Variants in SGO2 observed in about 807,000 individuals in gnomAD.
SGO2 encodes the protein shugoshin 2.
Under a neutral mutation model 99.5 loss-of-function variants are expected in SGO2, and 68 were observed. The ratio of observed to expected loss-of-function variants is 0.68; its 90% CI spans 0.56 to 0.84. SGO2 has a LOEUF of 0.84. Ranked by LOEUF, SGO2 falls within the 40% of genes least tolerant of loss-of-function variation. The pLI, the probability that SGO2 is intolerant of heterozygous loss-of-function variation, is 0.00. For missense variants in SGO2, 1,350 were observed against 1,436.7 expected, an observed-to-expected ratio of 0.94 and a Z score of 0.97; for synonymous variants, 457 against 487.1, an observed-to-expected ratio of 0.94 and a Z score of 0.81.
At chr2:200,557,109 C>T (rs1055785110) in intron 5 of SGO2, among the ~76,000 whole-genome samples, 1 of 152,188 alleles carries the variant, frequency 6.6e-6, no homozygotes, top group Non-Finnish European at 1.5e-5. Flanking sequence ...CATCTGCAAA[C>T]AGTGGAAGGC....
chr2:200,571,658 G>C lies in SGO2; in HGVS notation c.1312G>C (p.Val438Leu). Reference sequence around the variant, plus strand: ...TGAAAACAGGACAGAAAGATCTGATGTCCTGGATGGCAAAAGGGGTGCAGA... The same window carrying C: ...TGAAAACAGGACAGAAAGATCTGATCTCCTGGATGGCAAAAGGGGTGCAGA... ...KIENRTERSD[V>L]LDGKRGAEDP... Residue 438 changes from valine (V) to leucine (L), a missense_variant, in exon 7 of 9, where the codon GTC becomes CTC. Val to Leu is a conservative substitution (Grantham distance 32, BLOSUM62 1). Coordinates refer to ENST00000357799, the MANE Select transcript of SGO2 (RefSeq NM_152524.6). 1.9e-6 allele frequency: 3 copies of C among 1,613,670 alleles called. No individual in the cohort carries two copies. Among genetic ancestry groups the C allele is most frequent in the Non-Finnish European group, 2.5e-6 (3 of 1,179,708 alleles).
chr2:200,536,109 G>A lies in SGO2; in HGVS notation c.354G>A (p.Leu118=). 1 of 1,596,158 alleles carries A rather than the reference G, an allele frequency of 6.3e-7. No homozygotes were observed. Among genetic ancestry groups the A allele is most frequent in the East Asian group, 2.2e-5 (1 of 44,482 alleles). ...IDIEALMNNN[L]ITAIEMSSLS... is the part of the protein sequence containing the mutation. ...TAGAAGCTCTCATGAACAATAACTTGATAACTGCAATTGAAATGAGCAGTC... is the reference window on the plus strand; with the variant it reads ...TAGAAGCTCTCATGAACAATAACTTAATAACTGCAATTGAAATGAGCAGTC... Residue 118 remains leucine (L), a synonymous_variant, in exon 4 of 9, where the codon TTG becomes TTA. Transcript: ENST00000357799.
chr2:200,573,137 G>A lies in SGO2; in HGVS notation c.2791G>A (p.Ala931Thr), dbSNP rs1338813905. ...GATATATGAGGATAATGATAAAGATGCACATGTCCAAGAAAGCTATACAAA... is the reference window on the plus strand; with the variant it reads ...GATATATGAGGATAATGATAAAGATACACATGTCCAAGAAAGCTATACAAA... ...NQIYEDNDKD[A>T]HVQESYTKDL... Residue 931 changes from alanine to threonine, a missense_variant, in exon 7 of 9, where the codon GCA (alanine) becomes ACA (threonine). Coordinates refer to ENST00000357799, the MANE Select transcript of SGO2 (RefSeq NM_152524.6). 3 of 1,589,632 alleles carry A rather than the reference G, an allele frequency of 1.9e-6. No homozygotes were observed. Among genetic ancestry groups the A allele is most frequent in the Non-Finnish European group, 2.6e-6 (3 of 1,173,762 alleles).
In SGO2 at chr2:200,533,191, G is replaced by A. The variant is rs1184000315; in HGVS notation, c.133+83G>A. The stretch of plus-strand genomic sequence containing the variant: ...TATATTTGCTACCTTATTTTATCAA[G>A]TACAGAAAATTACTAAAATGACCAT... On this transcript the variant is annotated intron_variant, in intron 2 of 8. Coordinates refer to ENST00000357799, the MANE Select transcript of SGO2 (RefSeq NM_152524.6). 21 of 1,400,126 alleles carry A rather than the reference G, an allele frequency of 1.5e-5. No homozygotes were observed. The South Asian group carries it at 2.8e-4, about 19-fold the overall frequency. The allele number at this position is 1,400,126 out of a possible 1,614,324, so 86.7% of individuals were successfully genotyped here.
chr2:200,562,638 T>G (rs2033018543), intron 5 of SGO2, among the ~76,000 whole-genome samples: 2 of 152,210 alleles, frequency 1.3e-5, no homozygotes, highest in Non-Finnish European at 2.9e-5. Context: ...ATCTATAAAT[T>G]ACCTTGGGCA....
At chr2:200,558,848 G>C (rs2032828092) in intron 5 of SGO2, among the ~76,000 whole-genome samples, 2 of 151,144 alleles carry the variant, frequency 1.3e-5, no homozygotes, top group Admixed American at 1.3e-4. Context: ...TGCAACCCAG[G>C]CTAGAGTGCA....
intron 5 of SGO2, 158 bp downstream of exon 5, chr2:200,542,822 C>T (rs1574843501): frequency 2.2e-6 from 1 of 462,600 alleles, no homozygotes; most frequent in East Asian, 3.6e-5. Context: ...TAGGTTGTTT[C>T]TCTAGGACTC....
In SGO2 at chr2:200,583,327, A is replaced by C. The variant is rs1184725059; in HGVS notation, c.3783-122A>C. 5 of 696,866 alleles carry C rather than the reference A, an allele frequency of 7.2e-6. No individual in the cohort carries two copies. In the East Asian group the frequency reaches 8.5e-5, roughly 12 times the overall value. The allele number at this position is 696,866 out of a possible 1,614,324, so 43.2% of individuals were successfully genotyped here. A position where few individuals can be genotyped will look rare whatever the true frequency, so the allele number is the denominator to read the frequency against. ...TTAGAGTATTTCAAGTATTTAACAAAGCTTATGGTTTAAGGAAACTTCTTT... is the reference window on the plus strand; with the variant it reads ...TTAGAGTATTTCAAGTATTTAACAACGCTTATGGTTTAAGGAAACTTCTTT... On this transcript the variant is annotated intron_variant, in intron 8 of 8. Transcript: ENST00000357799.
intron 2 of SGO2, 63 bp from the exon 3 acceptor site, chr2:200,534,933 G>C: frequency 9.0e-7 from 1 of 1,115,050 alleles, no homozygotes; most frequent in Non-Finnish European, 1.2e-6. Context: ...GTTTTACTAA[G>C]GAATATAAAA....
At chr2:200,575,277 T>G (rs746245587) in intron 7 of SGO2, 34 bp from the exon 8 acceptor site, 2 of 1,409,592 alleles carry the variant, frequency 1.4e-6, no homozygotes, top group Non-Finnish European at 1.9e-6. Context: ...ATATACTTTT[T>G]AAAATATTTG....
At position 200,571,792 on chromosome 2, in the gene SGO2, T is replaced by C. The variant is rs1210468178; in HGVS notation, c.1446T>C (p.Gly482=). 1 of 1,613,510 alleles carries C rather than the reference T, an allele frequency of 6.2e-7. No individual in the cohort carries two copies. Among genetic ancestry groups the C allele is most frequent in the South Asian group, 1.1e-5 (1 of 91,030 alleles). Residue 482 remains glycine, a synonymous_variant, in exon 7 of 9, where the codon GGT becomes GGC. Coordinates refer to ENST00000357799, the MANE Select transcript of SGO2 (RefSeq NM_152524.6). ...CCCTTCAAACTGGCTTTGAACAAGG[T>C]GACAGAGAAAATGTACTGTGTAATA... ...KMTLQTGFEQ[G]DRENVLCNKK...
At chr2:200,574,667 A>G (rs1453162581) in intron 7 of SGO2, among the ~76,000 whole-genome samples, 4 of 152,060 alleles carry the variant, frequency 2.6e-5, no homozygotes. Context: ...TTATTAAAAT[A>G]GTACTCATTG....
rs536019777 is a variant in SGO2, at chr2:200,546,503, G to A, written c.473+3839G>A. Among the ~76,000 whole-genome samples the A allele has an allele frequency of 1.5e-3, 231 of 151,866 alleles. 1 individual carries two copies. The highest frequency in any genetic ancestry group is 5.2e-3 in the African/African-American group (217 of 41,398). Reference sequence around the variant, plus strand: ...CACTAGAAACTACAGCAGACAAGGAGCCATGAGCTTCCCAAAAGGACAAAA... The same window carrying A: ...CACTAGAAACTACAGCAGACAAGGAACCATGAGCTTCCCAAAAGGACAAAA... On this transcript the variant is annotated intron_variant, in intron 5 of 8. Transcript: ENST00000357799.
rs1553556344 is a variant in SGO2, at chr2:200,533,547, G to GTA, written c.133+442_133+443dup. 8.5e-4 allele frequency among the ~76,000 whole-genome samples: 121 copies of GTA among 143,048 alleles called. 2 individuals carry two copies. The highest frequency in any genetic ancestry group is 2.3e-3 in the African/African-American group (88 of 38,386). 93.8% of individuals were successfully genotyped at this position (143,048 alleles called of 152,430 possible). ...TGTGTGTGTGTGTGTGTGTGTGTGTGTATACATGTGACTTTATATAGGCAA... is the reference window on the plus strand; with the variant it reads ...TGTGTGTGTGTGTGTGTGTGTGTGTGTATATACATGTGACTTTATATAGGCAA... On this transcript the variant is annotated intron_variant, in intron 2 of 8. Coordinates refer to ENST00000357799, the MANE Select transcript of SGO2 (RefSeq NM_152524.6).
chr2:200,573,375 C>G lies in SGO2; in HGVS notation c.3029C>G (p.Thr1010Arg), dbSNP rs1241737160. Residue 1010 changes from threonine (T) to arginine (R), a missense_variant, in exon 7 of 9, where the codon ACA becomes AGA. By Grantham distance (71) the Thr-to-Arg change is moderately conservative. Transcript: ENST00000357799. ...KAKNKLASQL[T>R]ESSQTSISLE... ...AAGAACAAACTTGCTTCACAGTTAACAGAATCTTCACAGACATCTATCTCC... is the reference window on the plus strand; with the variant it reads ...AAGAACAAACTTGCTTCACAGTTAAGAGAATCTTCACAGACATCTATCTCC... 14 of 1,602,004 alleles carry G rather than the reference C, an allele frequency of 8.7e-6. No individual in the cohort carries two copies. Among genetic ancestry groups the G allele is most frequent in the Non-Finnish European group, 1.2e-5 (14 of 1,176,662 alleles).
At chr2:200,561,203 C>T (rs1264862815) in intron 5 of SGO2, among the ~76,000 whole-genome samples, 1 of 152,170 alleles carries the variant, frequency 6.6e-6, no homozygotes, top group Non-Finnish European at 1.5e-5. Flanking sequence ...TCTGCCCCCA[C>T]CCAACGACAG....
Position 200,570,904 on chromosome 2 carries a change from T to C in SGO2, c.704-146T>C, listed in dbSNP as rs2033386345. On this transcript the variant is annotated intron_variant, in intron 6 of 8. Transcript: ENST00000357799. The surrounding 1 kb of genome is among the most constrained non-coding windows in gnomAD (Gnocchi z 4.4). ...TTTCTAACTTATTTTCTTATAAGCA[T>C]AGATTCTTAGTAATATTAGGATCTG... 4.8e-6 allele frequency: 3 copies of C among 629,140 alleles called. No homozygotes were observed. The highest frequency in any genetic ancestry group is 3.4e-5 in the South Asian group (1 of 29,848). 39.0% of individuals were successfully genotyped at this position (629,140 alleles called of 1,614,324 possible).
In SGO2 at chr2:200,572,767, G is replaced by C. The variant is rs1013240695; in HGVS notation, c.2421G>C (p.Lys807Asn). ...ACQNDSKIGK[K>N]PRLNVCQKSE... ...AAAATGATTCAAAAATAGGTAAGAA[G>C]CCTAGACTAAATGTATGTCAAAAGT... The change falls in exon 7 of 9, where the codon AAG becomes AAC. Residue 807 changes from lysine (K) to asparagine (N), a missense_variant. Physicochemically the swap from Lys to Asn is moderately conservative, Grantham distance 94. Coordinates refer to ENST00000357799, the MANE Select transcript of SGO2 (RefSeq NM_152524.6). 1 of 1,612,908 alleles carries C rather than the reference G, an allele frequency of 6.2e-7. No individual in the cohort carries two copies. Among genetic ancestry groups the C allele is most frequent in the African/African-American group, 1.3e-5 (1 of 74,842 alleles).
chr2:200,560,219 G>T (rs1012971081), intron 5 of SGO2, among the ~76,000 whole-genome samples: 7 of 151,998 alleles, frequency 4.6e-5, no homozygotes, highest in African/African-American at 1.7e-4. Context: ...CTGTTATTAG[G>T]TACTCATACA....
Sources: gnomAD v4.1 joint callset for allele counts (sites outside exome capture counted in the v4.1 genomes callset) on GRCh38, gnomAD v4.1.1 for gene constraint, Gnocchi (gnomAD v3.1) non-coding constraint, MANE v1.5 for transcripts, NCBI Gene and HGNC (gene_info 2026-07-23, HGNC 2026-07-21) for gene names.